The following GAD2 variants were observed in gnomAD, a reference collection of about 807,000 sequenced individuals.
GAD2 encodes 65 kDa glutamic acid decarboxylase.
In GAD2, 22 loss-of-function variants were observed where a neutral mutation model predicts 80.1. The ratio of observed to expected loss-of-function variants is 0.27; its 90% CI spans 0.20 to 0.39. The LOEUF (loss-of-function observed/expected upper bound fraction) is 0.39, where lower values mean the gene tolerates loss of function less well. GAD2 is among the 10% of genes least tolerant of loss of function. The pLI is 1.00. For missense variants in GAD2, 624 were observed against 738.4 expected (o/e 0.85, Z 1.80); for synonymous variants, 274 against 256.9 (o/e 1.07, Z -0.64).
intron 8 of GAD2, among the ~76,000 whole-genome samples, chr10:26,261,211 T>C (rs536606959): frequency 6.6e-6 from 1 of 152,352 alleles, no homozygotes; most frequent in Non-Finnish European, 1.5e-5. Flanking sequence ...ATCAATTACT[T>C]ATTTTTTACC....
intron 7 of GAD2, among the ~76,000 whole-genome samples, chr10:26,241,673 A>G (rs7087663): frequency 0.071 from 10,843 of 152,186 alleles, 1,262 homozygotes; most frequent in African/African-American, 0.24. Flanking sequence ...GTGTATGCAC[A>G]TGCATGAGTG....
chr10:26,245,902 A>G lies in GAD2; in HGVS notation c.841-19A>G, dbSNP rs1405098865. 3 of 1,586,984 alleles carry G rather than the reference A, an allele frequency of 1.9e-6. No homozygotes were observed. Among genetic ancestry groups the G allele is most frequent in the Admixed American group, 1.7e-5 (1 of 59,822 alleles). On this transcript the variant is annotated intron_variant, in intron 7 of 15. Transcript: ENST00000376261. ...TCTGTATATGGAACTAATTGCAAAT[A>G]TATATATTTTTTTTACAGAGTCATT...
intron 8 of GAD2, among the ~76,000 whole-genome samples, chr10:26,248,366 C>G (rs1476030424): frequency 2.0e-5 from 3 of 152,142 alleles, no homozygotes; most frequent in Admixed American, 2.0e-4. Flanking sequence ...GGGTGTGCCT[C>G]CCTCCAGGCC....
chr10:26,260,919 G>C (rs1212437759), intron 8 of GAD2, among the ~76,000 whole-genome samples: 1 of 152,112 alleles, frequency 6.6e-6, no homozygotes, highest in Non-Finnish European at 1.5e-5. Context: ...GGTCATAGTT[G>C]GTGTATATAC....
chr10:26,267,482 CT>C lies in GAD2; in HGVS notation c.921-1634del, dbSNP rs1845085528. Among the ~76,000 whole-genome samples, 3 of 152,290 alleles carry C rather than the reference CT, an allele frequency of 2.0e-5. No individual in the cohort carries two copies. In the South Asian group the frequency reaches 6.2e-4, roughly 32 times the overall value. On this transcript the variant is annotated intron_variant, in intron 8 of 15. Coordinates refer to ENST00000376261, the MANE Select transcript of GAD2 (RefSeq NM_001134366.2). ...TAAGGAGTGAGAAGCTCTCTGTGTCCTTTCCTCAACCACATCACCCTCCCTT... is the reference window on the plus strand; with the variant it reads ...TAAGGAGTGAGAAGCTCTCTGTGTCCTTCCTCAACCACATCACCCTCCCTT...
intron 7 of GAD2, among the ~76,000 whole-genome samples, chr10:26,231,731 T>C (rs1257960464): frequency 6.6e-6 from 1 of 152,198 alleles, no homozygotes; most frequent in African/African-American, 2.4e-5. Context: ...GGCTGCATTC[T>C]TCCTCGAGGC....
chr10:26,250,082 T>C (rs1042095030), intron 8 of GAD2, among the ~76,000 whole-genome samples: 3 of 152,156 alleles, frequency 2.0e-5, no homozygotes, highest in Admixed American at 2.0e-4. Context: ...TGGAGTGCAG[T>C]AGCCCATTCC....
chr10:26,279,081 G>T (rs1377084025), intron 11 of GAD2, among the ~76,000 whole-genome samples: 1 of 151,954 alleles, frequency 6.6e-6, no homozygotes, highest in African/African-American at 2.4e-5. Context: ...AAACTCCACT[G>T]CCAGGACCCG....
At chr10:26,253,945 G>A (rs1304981696) in intron 8 of GAD2, among the ~76,000 whole-genome samples, 2 of 152,132 alleles carry the variant, frequency 1.3e-5, no homozygotes, top group Non-Finnish European at 2.9e-5. Flanking sequence ...TGTGAGGGGC[G>A]GGGGTGGCAG....
At chr10:26,232,163 C>T (rs370625866) in intron 7 of GAD2, among the ~76,000 whole-genome samples, 3 of 152,298 alleles carry the variant, frequency 2.0e-5, no homozygotes, top group East Asian at 1.9e-4. Context: ...TTACTATTTT[C>T]CTGAAATGGG....
At chr10:26,240,351 C>A (rs1844724888) in intron 7 of GAD2, among the ~76,000 whole-genome samples, 1 of 152,142 alleles carries the variant, frequency 6.6e-6, no homozygotes, top group Non-Finnish European at 1.5e-5. Context: ...AGAAAGCCTG[C>A]TTATTTTTTT....
chr10:26,296,449 A>G (rs186092144), intron 15 of GAD2, among the ~76,000 whole-genome samples: 13 of 152,340 alleles, frequency 8.5e-5, no homozygotes, highest in Non-Finnish European at 7.3e-5. Context: ...AAATACAGTC[A>G]TATCTTCATG....
intron 5 of GAD2, 90 bp from the exon 6 acceptor site, chr10:26,224,449 G>A: frequency 1.2e-6 from 1 of 836,754 alleles, no homozygotes; most frequent in Non-Finnish European, 2.0e-6. Flanking sequence ...TGTATGTTTT[G>A]AAAAAGGAAA....
At chr10:26,218,787 A>C (rs1844417254) in intron 3 of GAD2, among the ~76,000 whole-genome samples, 1 of 152,230 alleles carries the variant, frequency 6.6e-6, no homozygotes, top group South Asian at 2.1e-4. Context: ...TCTTCAAAAA[A>C]AGAAGGCAAA....
intron 12 of GAD2, among the ~76,000 whole-genome samples, chr10:26,284,103 C>T (rs542821552): frequency 2.6e-5 from 4 of 152,266 alleles, no homozygotes; most frequent in South Asian, 4.1e-4. Flanking sequence ...ATAGAGTAAA[C>T]GAGCTCTAAA....
chr10:26,260,491 G>A (rs1844996008), intron 8 of GAD2, among the ~76,000 whole-genome samples: 2 of 152,102 alleles, frequency 1.3e-5, no homozygotes, highest in African/African-American at 4.8e-5. Flanking sequence ...AGCTGGGTGT[G>A]ATGGCGCGTG....
chr10:26,283,509 A>G (rs1845296320), intron 12 of GAD2, among the ~76,000 whole-genome samples: 1 of 152,246 alleles, frequency 6.6e-6, no homozygotes, highest in Admixed American at 6.5e-5. Flanking sequence ...AGGGTCAACA[A>G]CGAGTCAAGA....
At chr10:26,236,057 C>T (rs73594335) in intron 7 of GAD2, among the ~76,000 whole-genome samples, 9,902 of 152,192 alleles carry the variant, frequency 0.065, 1,052 homozygotes, top group African/African-American at 0.22. Context: ...TGCTGAGGCC[C>T]CTTGTGGCTT....
At chr10:26,238,515 C>T (rs1412501488) in intron 7 of GAD2, among the ~76,000 whole-genome samples, 1 of 152,192 alleles carries the variant, frequency 6.6e-6, no homozygotes, top group Non-Finnish European at 1.5e-5. Context: ...TTAAACTTAA[C>T]CTGGTACACA....
Sources: gnomAD v4.1 joint callset for allele counts (sites outside exome capture counted in the v4.1 genomes callset) on GRCh38, gnomAD v4.1.1 for gene constraint, MANE v1.5 for transcripts, NCBI Gene and HGNC (gene_info 2026-07-23, HGNC 2026-07-21) for gene names.